Variants in MGAT4C observed in about 807,000 individuals in gnomAD.
MGAT4C encodes the protein alpha-1,3-mannosyl-glycoprotein 4-beta-N-acetylglucosaminyltransferase C.
A neutral mutation model predicts 40.1 loss-of-function variants in MGAT4C; 19 were observed. The ratio of observed to expected loss-of-function variants is 0.47; its 90% CI spans 0.33 to 0.70. MGAT4C has a LOEUF of 0.70. Among genes scored for constraint, MGAT4C ranks in the 30% least tolerant of loss-of-function variants. The probability of loss-of-function intolerance (pLI) is 0.02; values close to 1 mark genes in which losing one functional copy is unlikely to be tolerated. For synonymous variants in MGAT4C, 181 were observed against 187.1 expected (o/e 0.97, Z 0.27); for missense variants, 491 against 563.2 (o/e 0.87, Z 1.30).
intron 2 of MGAT4C, among the ~76,000 whole-genome samples, chr12:86,684,507 T>C (rs1424928264): frequency 6.6e-6 from 1 of 152,256 alleles, no homozygotes; most frequent in East Asian, 1.9e-4. Flanking sequence ...TGTATGTGTC[T>C]TTATAACAGA....
chr12:86,160,562 G>A (rs1254516484), intron 1 of MGAT4C, among the ~76,000 whole-genome samples: 2 of 151,938 alleles, frequency 1.3e-5, no homozygotes, highest in Non-Finnish European at 2.9e-5. Flanking sequence ...GTCATTGGGT[G>A]GTGTGTTTTG....
chr12:86,612,864 A>G (rs1029199952), intron 2 of MGAT4C, among the ~76,000 whole-genome samples: 1 of 151,830 alleles, frequency 6.6e-6, no homozygotes, highest in Non-Finnish European at 1.5e-5. Flanking sequence ...ATCTTGTGTT[A>G]TCATTGTAAA....
At chr12:86,539,858 T>C (rs189092162) in intron 2 of MGAT4C, among the ~76,000 whole-genome samples, 10 of 152,344 alleles carry the variant, frequency 6.6e-5, no homozygotes, top group Admixed American at 6.5e-4. Flanking sequence ...GCCCACTTTT[T>C]GATGAGGTTG....
At chr12:86,622,224 G>A (rs572009458) in intron 2 of MGAT4C, among the ~76,000 whole-genome samples, 25 of 152,212 alleles carry the variant, frequency 1.6e-4, no homozygotes, top group South Asian at 1.2e-3. Flanking sequence ...GAAATAAGGC[G>A]AAGACATGGA....
intron 4 of MGAT4C, among the ~76,000 whole-genome samples, chr12:86,275,944 CAAAAAAAAAAAAAAA>C (rs748476574): frequency 7.2e-5 from 5 of 69,190 alleles, no homozygotes; most frequent in South Asian, 7.1e-4. Flanking sequence ...ACTAAAAATC[CAAAAAAAAAAAAAAA>C]AAAAAAAAAA....
intron 3 of MGAT4C, among the ~76,000 whole-genome samples, chr12:86,427,905 A>G (rs939731392): frequency 2.0e-5 from 3 of 152,066 alleles, no homozygotes; most frequent in African/African-American, 7.2e-5. Context: ...CTGTAGTTCC[A>G]GCTACTCGGG....
chr12:86,247,903 T>C (rs768127464), intron 1 of MGAT4C, among the ~76,000 whole-genome samples: 2 of 152,124 alleles, frequency 1.3e-5, no homozygotes, highest in Non-Finnish European at 2.9e-5. Context: ...GAAAGGAGTG[T>C]CATGTTCAGA....
chr12:86,630,922 A>C (rs1330837911), intron 2 of MGAT4C, among the ~76,000 whole-genome samples: 1 of 152,282 alleles, frequency 6.6e-6, no homozygotes, highest in East Asian at 1.9e-4. Context: ...GGCAAGAGAA[A>C]GAAATAAAGC....
chr12:86,368,338 A>C (rs1285591644), intron 3 of MGAT4C, among the ~76,000 whole-genome samples: 13 of 152,150 alleles, frequency 8.5e-5, no homozygotes, highest in African/African-American at 3.1e-4. Flanking sequence ...ATCTTTCAGC[A>C]TACTAACTCA....
intron 2 of MGAT4C, among the ~76,000 whole-genome samples, chr12:86,725,767 G>A (rs370512710): frequency 2.6e-5 from 4 of 152,076 alleles, no homozygotes; most frequent in African/African-American, 7.2e-5. Context: ...CCGGCCCAGC[G>A]CCCCCTTTTT....
chr12:86,393,650 G>T (rs923871459), intron 3 of MGAT4C, among the ~76,000 whole-genome samples: 1 of 152,148 alleles, frequency 6.6e-6, no homozygotes, highest in Admixed American at 6.5e-5. Context: ...TCCCTGATAA[G>T]TAAAAATTGA....
chr12:86,347,369 C>T (rs1955060581), intron 3 of MGAT4C, among the ~76,000 whole-genome samples: 1 of 151,862 alleles, frequency 6.6e-6, no homozygotes, highest in Non-Finnish European at 1.5e-5. Context: ...AAAAACATGC[C>T]CACATTAAGA....
intron 1 of MGAT4C, among the ~76,000 whole-genome samples, chr12:86,150,050 T>A (rs193046244): frequency 3.5e-4 from 54 of 152,310 alleles, no homozygotes; most frequent in African/African-American, 1.3e-3. Flanking sequence ...GGGTGGTGGA[T>A]GGGTGGAAGA....
intron 1 of MGAT4C, among the ~76,000 whole-genome samples, chr12:86,760,812 A>G (rs1399347865): frequency 6.6e-6 from 1 of 152,156 alleles, no homozygotes; most frequent in African/African-American, 2.4e-5. Flanking sequence ...ATGAATCTCA[A>G]AGTAATTATG....
chr12:86,398,252 C>A (rs1956294584), intron 3 of MGAT4C, among the ~76,000 whole-genome samples: 1 of 152,138 alleles, frequency 6.6e-6, no homozygotes, highest in Non-Finnish European at 1.5e-5. Flanking sequence ...CTTCTTCCAG[C>A]TTCCTCTGGC....
At chr12:86,003,950 C>T (rs1354853513) in intron 2 of MGAT4C, among the ~76,000 whole-genome samples, 1 of 151,986 alleles carries the variant, frequency 6.6e-6, no homozygotes. Context: ...TTTATGTTAA[C>T]CTTTACCATT....
At chr12:86,290,700 AAAGTT>A (rs1246703574) in intron 4 of MGAT4C, among the ~76,000 whole-genome samples, 1 of 150,416 alleles carries the variant, frequency 6.6e-6, no homozygotes, top group Non-Finnish European at 1.5e-5. Flanking sequence ...TCTGAAGCTG[AAAGTT>A]AAGGAAAGAA....
intron 1 of MGAT4C, among the ~76,000 whole-genome samples, chr12:86,179,051 G>T (rs1887806381): frequency 6.6e-6 from 1 of 152,124 alleles, no homozygotes; most frequent in Non-Finnish European, 1.5e-5. Context: ...ATGTCAACTT[G>T]AATTGTATCT....
At position 86,237,373 on chromosome 12, in the gene MGAT4C, G is replaced by A. The variant is rs1208381159; in HGVS notation, c.-57+18866C>T. 2.6e-5 allele frequency among the ~76,000 whole-genome samples: 4 copies of A among 151,738 alleles called. No individual in the cohort carries two copies. In the East Asian group the frequency reaches 7.7e-4, roughly 29 times the overall value. ...GTTGGGCAATTAAAGGGGAAAATGT[G>A]TAAGTGTTCAACACAGTACCGAGCA... On this transcript the variant is annotated intron_variant, in intron 1 of 4. Transcript: ENST00000611864.
Sources: gnomAD v4.1 joint callset for allele counts (sites outside exome capture counted in the v4.1 genomes callset) on GRCh38, gnomAD v4.1.1 for gene constraint, MANE v1.5 for transcripts, NCBI Gene and HGNC (gene_info 2026-07-23, HGNC 2026-07-21) for gene names.